The following SEMA3C variants were observed in gnomAD, a reference collection of about 807,000 sequenced individuals.
SEMA3C encodes semaphorin 3C, also known as semaphorin-3C.
Under a neutral mutation model 89.4 loss-of-function variants are expected in SEMA3C, and 47 were observed. That is an observed-to-expected ratio of 0.53 (90% CI 0.42 to 0.67). The LOEUF is 0.67. SEMA3C is among the 30% of genes least tolerant of loss of function. SEMA3C has a pLI of 0.00. For missense variants in SEMA3C, 839 were observed against 929.1 expected, an observed-to-expected ratio of 0.90 and a Z score of 1.26; for synonymous variants, 310 against 320.2, an observed-to-expected ratio of 0.97 and a Z score of 0.34.
chr7:80,891,303 C>G (rs1199978581), intron 2 of SEMA3C, among the ~76,000 whole-genome samples: 1 of 152,120 alleles, frequency 6.6e-6, no homozygotes, highest in Non-Finnish European at 1.5e-5. Flanking sequence ...TGACATAGGT[C>G]CATCCTCACT....
chr7:80,839,762 T>C (rs183227815), intron 2 of SEMA3C, among the ~76,000 whole-genome samples: 36 of 152,106 alleles, frequency 2.4e-4, no homozygotes, highest in Admixed American at 2.2e-3. Flanking sequence ...GATGATGACC[T>C]GACATGGTAT....
At chr7:80,805,446 C>T (rs2272349) in intron 7 of SEMA3C, among the ~76,000 whole-genome samples, 193 bp downstream of exon 7, 6,599 of 151,938 alleles carry the variant, frequency 0.043, 360 homozygotes, top group East Asian at 0.25. Context: ...AATAAAGAAT[C>T]GAAATATGGA....
intron 17 of SEMA3C, among the ~76,000 whole-genome samples, chr7:80,745,846 T>A (rs1787788173): frequency 1.3e-5 from 2 of 152,132 alleles, no homozygotes; most frequent in African/African-American, 4.8e-5. Context: ...TTGAACATTA[T>A]CAAGGGCCTT....
At chr7:80,874,560 AG>A (rs1791153744) in intron 2 of SEMA3C, among the ~76,000 whole-genome samples, 1 of 151,754 alleles carries the variant, frequency 6.6e-6, no homozygotes, top group South Asian at 2.1e-4. Context: ...TCCGCCTCCC[AG>A]GTTCAAGCGA....
In SEMA3C at chr7:80,758,369, A is replaced by G. The variant is rs1237244655; in HGVS notation, c.1605T>C (p.Asp535=). The G allele has an allele frequency of 1.9e-6, 3 of 1,613,856 alleles. No homozygotes were observed. Among genetic ancestry groups the G allele is most frequent in the Non-Finnish European group, 2.5e-6 (3 of 1,179,976 alleles). The part of the protein sequence containing the change: ...CLARDPYCAW[D]GHSCSRFYPT... ...GGTAGAATCTGGAACAGGAATGGCCATCCCAGGCGCAATAAGGGTCCCGCG... is the reference window on the plus strand; with the variant it reads ...GGTAGAATCTGGAACAGGAATGGCCGTCCCAGGCGCAATAAGGGTCCCGCG... The change falls in exon 15 of 18, where the codon GAT becomes GAC. Residue 535 remains aspartate, a synonymous_variant. Transcript: ENST00000265361.
At chr7:80,802,161 T>G (rs1789224717) in intron 9 of SEMA3C, among the ~76,000 whole-genome samples, 1 of 152,104 alleles carries the variant, frequency 6.6e-6, no homozygotes, top group Non-Finnish European at 1.5e-5. Context: ...AGCCTCCTCA[T>G]GTCACATTGA....
Position 80,881,211 on chromosome 7 carries a change from T to A in SEMA3C, c.103+35468A>T, listed in dbSNP as rs75348942. Among the ~76,000 whole-genome samples, 1,291 of 129,462 alleles carry A rather than the reference T, an allele frequency of 1.0e-2. 8 individuals are homozygous for A. Among genetic ancestry groups the A allele is most frequent in the Admixed American group, 0.015 (193 of 12,606 alleles). 84.9% of individuals were successfully genotyped at this position (129,462 alleles called of 152,430 possible). A position where few individuals can be genotyped will look rare whatever the true frequency, so the allele number is the denominator to read the frequency against. ...CACACACACACACACACACACACACTCTCTCTCATGTAAAGTTTTTCAATC... is the reference window on the plus strand; with the variant it reads ...CACACACACACACACACACACACACACTCTCTCATGTAAAGTTTTTCAATC... On this transcript the variant is annotated intron_variant, in intron 2 of 17. Coordinates refer to ENST00000265361, the MANE Select transcript of SEMA3C (RefSeq NM_006379.5).
chr7:80,777,104 A>G (rs1466560457), intron 12 of SEMA3C, among the ~76,000 whole-genome samples: 2 of 151,278 alleles, frequency 1.3e-5, no homozygotes, highest in Non-Finnish European at 2.9e-5. Context: ...TGGTCTTTAA[A>G]GTAAATCTAT....
intron 15 of SEMA3C, among the ~76,000 whole-genome samples, chr7:80,754,111 A>G (rs539821011): frequency 1.1e-3 from 166 of 152,136 alleles, no homozygotes; most frequent in African/African-American, 3.8e-3. Context: ...CTAATTTTGT[A>G]TTTTTAGTAG....
chr7:80,764,133 G>A (rs530487577), intron 13 of SEMA3C, among the ~76,000 whole-genome samples: 9 of 152,242 alleles, frequency 5.9e-5, no homozygotes, highest in East Asian at 3.9e-4. Flanking sequence ...TTTGGTGACC[G>A]TGGGAATGTC....
intron 4 of SEMA3C, among the ~76,000 whole-genome samples, chr7:80,825,266 T>G (rs1789844938): frequency 6.6e-6 from 1 of 152,188 alleles, no homozygotes; most frequent in Non-Finnish European, 1.5e-5. Flanking sequence ...GACATTCTTT[T>G]CTTGCACAGA....
intron 10 of SEMA3C, among the ~76,000 whole-genome samples, chr7:80,800,152 CAAAA>C (rs1215573724): frequency 3.4e-5 from 2 of 58,392 alleles, no homozygotes; most frequent in Admixed American, 1.7e-4. Flanking sequence ...GACTCCATCT[CAAAA>C]AAAAAAAAAA....
intron 2 of SEMA3C, among the ~76,000 whole-genome samples, chr7:80,867,829 C>A (rs1790964553): frequency 6.6e-6 from 1 of 152,024 alleles, no homozygotes; most frequent in Non-Finnish European, 1.5e-5. Flanking sequence ...TCAAGCAAGC[C>A]AGGAGAGACT....
At chr7:80,763,572 T>C (rs563953652) in intron 13 of SEMA3C, among the ~76,000 whole-genome samples, 1 of 152,322 alleles carries the variant, frequency 6.6e-6, no homozygotes, top group East Asian at 1.9e-4. Context: ...TGACAGACCA[T>C]AAGTAGTTAG....
chr7:80,745,391 C>A, intron 17 of SEMA3C, 84 bp from the exon 18 acceptor site: 1 of 1,335,898 alleles, frequency 7.5e-7, no homozygotes, highest in South Asian at 1.3e-5. Context: ...ATAGTCTCAA[C>A]TTTCACAGAT....
chr7:80,833,241 T>C (rs1790050040), intron 2 of SEMA3C, among the ~76,000 whole-genome samples: 1 of 152,050 alleles, frequency 6.6e-6, no homozygotes, highest in African/African-American at 2.4e-5. Context: ...GAGACTACAC[T>C]GACCAACATG....
chr7:80,787,100 A>T (rs964305621), intron 12 of SEMA3C, among the ~76,000 whole-genome samples: 11 of 152,180 alleles, frequency 7.2e-5, no homozygotes, highest in Non-Finnish European at 1.0e-4. Context: ...ATCTTAAAAA[A>T]GGGGACCATA....
At chr7:80,900,085 C>T (rs1791839492) in intron 2 of SEMA3C, among the ~76,000 whole-genome samples, 1 of 151,918 alleles carries the variant, frequency 6.6e-6, no homozygotes, top group Non-Finnish European at 1.5e-5. Context: ...CTTTTAATTT[C>T]CTCACTTTAT....
chr7:80,802,079 T>TA (rs1789222638), intron 9 of SEMA3C, among the ~76,000 whole-genome samples: 1 of 151,920 alleles, frequency 6.6e-6, no homozygotes, highest in Admixed American at 6.6e-5. Flanking sequence ...ATATTCAGAT[T>TA]AAAAAAATAA....
Sources: gnomAD v4.1 joint callset for allele counts (sites outside exome capture counted in the v4.1 genomes callset) on GRCh38, gnomAD v4.1.1 for gene constraint, MANE v1.5 for transcripts, NCBI Gene and HGNC (gene_info 2026-07-23, HGNC 2026-07-21) for gene names.